The following ZDHHC7 variants were observed in gnomAD, a reference collection of about 807,000 sequenced individuals.
The protein encoded by ZDHHC7 is zDHHC palmitoyltransferase 7.
A neutral mutation model predicts 34.1 loss-of-function variants in ZDHHC7; 12 were observed. The observed-to-expected ratio is 0.35, with a 90% confidence interval of 0.23 to 0.57. The LOEUF (loss-of-function observed/expected upper bound fraction) is 0.57. ZDHHC7 is among the 20% of genes least tolerant of loss of function. The pLI is 0.84. For synonymous variants in ZDHHC7, 185 were observed against 155.4 expected, an observed-to-expected ratio of 1.19 and a Z score of -1.42; for missense variants, 388 against 402.7, an observed-to-expected ratio of 0.96 and a Z score of 0.31.
chr16:85,008,632 G>A (rs2072749002), intron 1 of ZDHHC7, among the ~76,000 whole-genome samples: 1 of 151,970 alleles, frequency 6.6e-6, no homozygotes, highest in East Asian at 1.9e-4. Flanking sequence ...CTTCTCAGAT[G>A]TTACAACCGA....
chr16:84,979,569 G>A (rs1404408635), intron 4 of ZDHHC7, among the ~76,000 whole-genome samples: 2 of 152,162 alleles, frequency 1.3e-5, no homozygotes, highest in African/African-American at 4.8e-5. Context: ...GCTGGATCAT[G>A]TACACCTATC....
intron 5 of ZDHHC7, among the ~76,000 whole-genome samples, chr16:84,978,862 C>CA (rs200114312): frequency 0.38 from 40,228 of 107,044 alleles, 6,528 homozygotes; most frequent in East Asian, 0.55. Context: ...AACTCCATCT[C>CA]AAAAAAAAAA....
At chr16:84,977,446 G>A (rs1044122016) in intron 6 of ZDHHC7, among the ~76,000 whole-genome samples, 5 of 152,188 alleles carry the variant, frequency 3.3e-5, no homozygotes, top group Non-Finnish European at 5.9e-5. Flanking sequence ...GGTTTCAAAA[G>A]AGTCTGTATT....
At chr16:84,980,247 G>A (rs1439268408) in intron 4 of ZDHHC7, among the ~76,000 whole-genome samples, 2 of 151,612 alleles carry the variant, frequency 1.3e-5, no homozygotes, top group African/African-American at 4.9e-5. Context: ...TTACAGGCGT[G>A]AGCCACCGCA....
intron 1 of ZDHHC7, among the ~76,000 whole-genome samples, chr16:85,001,222 G>C (rs1475112037): frequency 6.6e-6 from 1 of 152,158 alleles, no homozygotes; most frequent in Non-Finnish European, 1.5e-5. Flanking sequence ...CGTAATCCCA[G>C]CACTTTGGGA....
At chr16:85,026,928 C>T in the ZDHHC7 span, among the ~76,000 whole-genome samples, 1 of 152,112 alleles carries the variant, frequency 6.6e-6, no homozygotes, top group Non-Finnish European at 1.5e-5. Flanking sequence ...TTTGACATAA[C>T]CCCCACATTA....
At chr16:85,008,600 A>T (rs1196769689) in intron 1 of ZDHHC7, among the ~76,000 whole-genome samples, 1 of 152,004 alleles carries the variant, frequency 6.6e-6, no homozygotes, top group Non-Finnish European at 1.5e-5. Context: ...TAGCTAGCTA[A>T]CTGGCACAGT....
intron 2 of ZDHHC7, among the ~76,000 whole-genome samples, chr16:84,993,246 G>T (rs1003533029): frequency 2.6e-5 from 4 of 152,124 alleles, no homozygotes; most frequent in Non-Finnish European, 5.9e-5. Context: ...GCTTGAGCCT[G>T]GGAGGTGGAG....
intron 2 of ZDHHC7, among the ~76,000 whole-genome samples, chr16:84,993,063 T>C (rs1219742544): frequency 6.6e-6 from 1 of 152,200 alleles, no homozygotes; most frequent in African/African-American, 2.4e-5. Flanking sequence ...CTGGGTGCAG[T>C]GGCTCAAGTC....
At chr16:84,976,936 G>T (rs888695855) in intron 7 of ZDHHC7, among the ~76,000 whole-genome samples, 159 bp downstream of exon 7, 1 of 152,212 alleles carries the variant, frequency 6.6e-6, no homozygotes, top group Non-Finnish European at 1.5e-5. Flanking sequence ...TGCCCAGAAT[G>T]AAAGAAACAG....
chr16:84,982,065 G>C (rs56033302), intron 3 of ZDHHC7, 71 bp from the exon 4 acceptor site: 157,383 of 1,587,482 alleles, frequency 0.099, 9,397 homozygotes, highest in African/African-American at 0.25. Flanking sequence ...GGCGCAGTGG[G>C]TCACACCTGT....
At chr16:84,997,788 G>A (rs1257884193) in intron 1 of ZDHHC7, among the ~76,000 whole-genome samples, 1 of 149,124 alleles carries the variant, frequency 6.7e-6, no homozygotes, top group African/African-American at 2.5e-5. Flanking sequence ...AGCTACTCGG[G>A]AGGCTGAGGC....
upstream of ZDHHC7, among the ~76,000 whole-genome samples, chr16:85,012,767 C>T (rs2072811052): frequency 6.6e-6 from 1 of 151,706 alleles, no homozygotes; most frequent in Non-Finnish European, 1.5e-5. Flanking sequence ...TAGCCGGGTG[C>T]AGTTTTGGGC....
At chr16:85,001,486 T>TAAAAAAAAAAAAAAAAAAA (rs2072652786) in intron 1 of ZDHHC7, among the ~76,000 whole-genome samples, 5 of 72,382 alleles carry the variant, frequency 6.9e-5, no homozygotes, top group African/African-American at 4.4e-4. Flanking sequence ...AAAAAAAAAT[T>TAAAAAAAAAAAAAAAAAAA]AAGTAAATGG....
chr16:85,023,683 A>G, the ZDHHC7 span, among the ~76,000 whole-genome samples: 1 of 152,156 alleles, frequency 6.6e-6, no homozygotes, highest in East Asian at 1.9e-4. Flanking sequence ...CAGCGGCACA[A>G]TCTTGGCTCA....
chr16:85,001,286 C>T (rs2072649053), intron 1 of ZDHHC7, among the ~76,000 whole-genome samples: 1 of 152,056 alleles, frequency 6.6e-6, no homozygotes, highest in Non-Finnish European at 1.5e-5. Context: ...GCCTAGCCAA[C>T]ACGGCGAAAC....
At chr16:84,987,510 C>T (rs1002714822) in intron 3 of ZDHHC7, among the ~76,000 whole-genome samples, 2 of 151,810 alleles carry the variant, frequency 1.3e-5, no homozygotes, top group African/African-American at 4.8e-5. Flanking sequence ...TTTTTTTCCC[C>T]CAGTGGGGAC....
chr16:84,977,600 G>C (rs2072314527), intron 6 of ZDHHC7, among the ~76,000 whole-genome samples: 1 of 152,204 alleles, frequency 6.6e-6, no homozygotes, highest in Non-Finnish European at 1.5e-5. Context: ...AGCCTGTCCA[G>C]ACCTCACTGC....
intron 4 of ZDHHC7, among the ~76,000 whole-genome samples, chr16:84,981,544 G>A (rs534210968): frequency 2.6e-5 from 4 of 152,304 alleles, no homozygotes; most frequent in South Asian, 2.1e-4. Flanking sequence ...GAGCACACAC[G>A]TGCTGGCCTG....
Sources: gnomAD v4.1 joint callset for allele counts (sites outside exome capture counted in the v4.1 genomes callset) on GRCh38, gnomAD v4.1.1 for gene constraint, MANE v1.5 for transcripts, NCBI Gene and HGNC (gene_info 2026-07-23, HGNC 2026-07-21) for gene names.